Variants in ADRA1B observed in about 807,000 individuals in gnomAD.
The protein encoded by ADRA1B is adrenoceptor alpha 1B.
A neutral mutation model predicts 17.9 loss-of-function variants in ADRA1B; 17 were observed. That is an observed-to-expected ratio of 0.95 (90% CI 0.65 to 1.42). The LOEUF (loss-of-function observed/expected upper bound fraction) is 1.42. ADRA1B is among the 40% of genes most tolerant of loss of function. The pLI, the probability that ADRA1B is intolerant of heterozygous loss-of-function variation, is 0.00. For synonymous variants in ADRA1B, 366 were observed against 327.6 expected (o/e 1.12, Z -1.27); for missense variants, 681 against 722.1 (o/e 0.94, Z 0.65).
At chr5:159,866,133 A>T (rs548506681) in intron 1 of ADRA1B, among the ~76,000 whole-genome samples, 1 of 151,942 alleles carries the variant, frequency 6.6e-6, no homozygotes, top group East Asian at 1.9e-4. Flanking sequence ...GAAACCTCAT[A>T]TCTACAAATA....
rs1345652792 is a variant in ADRA1B at position 159,925,559 on chromosome 5, T to C, written c.949+7705T>C. The stretch of plus-strand genomic sequence containing the variant: ...CATGGGGACACTCTTCCATCATGAA[T>C]CTGCCTCTGGTCCTGCCTCTTGATG... On this transcript the variant is annotated intron_variant, in intron 1 of 1. Transcript: ENST00000306675. Among the ~76,000 whole-genome samples, 3 of 152,208 alleles carry C rather than the reference T, an allele frequency of 2.0e-5. No individual in the cohort carries two copies. In the East Asian group the frequency reaches 5.8e-4, roughly 29 times the overall value.
At chr5:159,950,026 C>T (rs1755383908) in intron 1 of ADRA1B, among the ~76,000 whole-genome samples, 1 of 152,224 alleles carries the variant, frequency 6.6e-6, no homozygotes, top group African/African-American at 2.4e-5. Flanking sequence ...GCCTGTCCAT[C>T]TGCTCTGAAT....
rs138167167 is a variant in ADRA1B at position 159,944,740 on chromosome 5, GC to G, written c.949+26888del. Among the ~76,000 whole-genome samples, 1,128 of 152,184 alleles carry G rather than the reference GC, an allele frequency of 7.4e-3. 14 individuals carry two copies. The highest frequency in any genetic ancestry group is 0.026 in the African/African-American group (1,078 of 41,486). Reference sequence around the variant, plus strand: ...GGGTTGGGGGAGAAGCTTGTTATTAGCCTAAATTTACAGATATGGAAATTGA... The same window carrying G: ...GGGTTGGGGGAGAAGCTTGTTATTAGCTAAATTTACAGATATGGAAATTGA... On this transcript the variant is annotated intron_variant, in intron 1 of 1. Coordinates refer to ENST00000306675, the MANE Select transcript of ADRA1B (RefSeq NM_000679.4).
intron 1 of ADRA1B, among the ~76,000 whole-genome samples, chr5:159,903,776 T>A (rs1754127329): frequency 6.6e-6 from 1 of 152,110 alleles, no homozygotes; most frequent in East Asian, 1.9e-4. Context: ...AAATCCCATG[T>A]CTTAAGAGCA....
chr5:159,967,338 T>C (rs1755793520), intron 1 of ADRA1B, among the ~76,000 whole-genome samples: 1 of 152,194 alleles, frequency 6.6e-6, no homozygotes, highest in Non-Finnish European at 1.5e-5. Context: ...TATGATCTGC[T>C]TGTATGAATT....
At position 159,972,919 on chromosome 5, in the gene ADRA1B, T is replaced by C. The variant is rs1468112810; in HGVS notation, c.*427T>C. Among the ~76,000 whole-genome samples the C allele has an allele frequency of 2.0e-5, 3 of 152,332 alleles. No individual in the cohort carries two copies. Among genetic ancestry groups the C allele is most frequent in the African/African-American group, 7.2e-5 (3 of 41,570 alleles). Reference sequence around the variant, plus strand: ...CGGGGGCGTTGTGTGTGTCGTGACTTCGTACCTCTCAAGCCCCTCCTTGTA... The same window carrying C: ...CGGGGGCGTTGTGTGTGTCGTGACTCCGTACCTCTCAAGCCCCTCCTTGTA... On this transcript the variant is annotated 3_prime_UTR_variant, in exon 2 of 2. Coordinates refer to ENST00000306675, the MANE Select transcript of ADRA1B (RefSeq NM_000679.4).
At chr5:159,928,822 C>T (rs1386441699) in intron 1 of ADRA1B, among the ~76,000 whole-genome samples, 1 of 152,136 alleles carries the variant, frequency 6.6e-6, no homozygotes, top group Non-Finnish European at 1.5e-5. Flanking sequence ...CAGCACTGGG[C>T]CGGGCGGAGA....
chr5:159,904,897 T>A (rs1754142345), intron 1 of ADRA1B, among the ~76,000 whole-genome samples: 1 of 152,234 alleles, frequency 6.6e-6, no homozygotes, highest in South Asian at 2.1e-4. Context: ...CTTCCTCCTA[T>A]CATCAGTGTT....
intron 1 of ADRA1B, among the ~76,000 whole-genome samples, chr5:159,872,440 G>A (rs374607949): frequency 6.6e-6 from 1 of 152,148 alleles, no homozygotes; most frequent in East Asian, 1.9e-4. Flanking sequence ...AACAGAGGTG[G>A]GAAGGGAAAG....
intron 1 of ADRA1B, among the ~76,000 whole-genome samples, chr5:159,911,420 C>A (rs1754226798): frequency 6.6e-6 from 1 of 152,180 alleles, no homozygotes; most frequent in South Asian, 2.1e-4. Context: ...CCTTCACACC[C>A]CAGCCCCCGC....
At chr5:159,927,362 A>C (rs1256658798) in intron 1 of ADRA1B, among the ~76,000 whole-genome samples, 1 of 139,512 alleles carries the variant, frequency 7.2e-6, no homozygotes, top group African/African-American at 2.7e-5. Context: ...GGGAATAATA[A>C]AATTATAAAT....
At chr5:159,913,849 T>C (rs571846166), upstream of ADRA1B, among the ~76,000 whole-genome samples, 39 of 152,256 alleles carry the variant, frequency 2.6e-4, no homozygotes, top group Non-Finnish European at 4.9e-4. Flanking sequence ...AATCAAAATG[T>C]GGATTTGGAA....
At chr5:159,905,400 T>G (rs183107200) in intron 1 of ADRA1B, among the ~76,000 whole-genome samples, 44 of 152,348 alleles carry the variant, frequency 2.9e-4, no homozygotes, top group Admixed American at 5.9e-4. Context: ...GAATGATAAC[T>G]TTAAAATGTC....
intron 1 of ADRA1B, among the ~76,000 whole-genome samples, chr5:159,938,971 C>T (rs1581050562): frequency 6.6e-6 from 1 of 152,246 alleles, no homozygotes; most frequent in African/African-American, 2.4e-5. Flanking sequence ...GAGTGAAATC[C>T]CTTAATAGGT....
intron 1 of ADRA1B, among the ~76,000 whole-genome samples, chr5:159,942,607 T>G (rs1197817397): frequency 6.6e-6 from 1 of 152,116 alleles, no homozygotes; most frequent in East Asian, 1.9e-4. Flanking sequence ...GCCCAGGAGT[T>G]CCAGAGCAGC....
chr5:159,975,760 T>C (rs908360040), downstream of ADRA1B, among the ~76,000 whole-genome samples: 1 of 152,168 alleles, frequency 6.6e-6, no homozygotes, highest in Non-Finnish European at 1.5e-5. Context: ...CCAAGTCACT[T>C]CCTTGTAGCC....
intron 1 of ADRA1B, among the ~76,000 whole-genome samples, chr5:159,873,376 C>A (rs527999425): frequency 1.8e-4 from 27 of 152,300 alleles, no homozygotes; most frequent in African/African-American, 5.8e-4. Context: ...GCTGCAAGTG[C>A]CATCAGCAGA....
chr5:159,948,818 C>T (rs1755347964), intron 1 of ADRA1B, among the ~76,000 whole-genome samples: 1 of 152,102 alleles, frequency 6.6e-6, no homozygotes, highest in African/African-American at 2.4e-5. Flanking sequence ...CCAATAAAAT[C>T]CTTATATCTA....
At chr5:159,978,901 C>G in the ADRA1B span, among the ~76,000 whole-genome samples, 1 of 152,228 alleles carries the variant, frequency 6.6e-6, no homozygotes, top group African/African-American at 2.4e-5. Context: ...ACTTCATGCA[C>G]TCATTTGTTT....
Sources: gnomAD v4.1 joint callset for allele counts (sites outside exome capture counted in the v4.1 genomes callset) on GRCh38, gnomAD v4.1.1 for gene constraint, MANE v1.5 for transcripts, NCBI Gene and HGNC (gene_info 2026-07-23, HGNC 2026-07-21) for gene names.